The following PSAT1 variants were observed in gnomAD, a reference collection of about 807,000 sequenced individuals.
PSAT1 encodes the protein phosphoserine aminotransferase.
A neutral mutation model predicts 40.3 loss-of-function variants in PSAT1; 41 were observed. That is an observed-to-expected ratio of 1.02 (90% confidence interval 0.79 to 1.32). The LOEUF (loss-of-function observed/expected upper bound fraction) is 1.32. Ranked by LOEUF, PSAT1 falls within the 40% of genes most tolerant of loss-of-function variation. PSAT1 has a pLI of 0.00. For missense variants in PSAT1, 406 were observed against 455.8 expected (o/e 0.89, Z 0.99); for synonymous variants, 147 against 170.5 (o/e 0.86, Z 1.07).
chr9:78,301,299 A>G (rs1401578561), intron 2 of PSAT1, among the ~76,000 whole-genome samples: 5 of 152,198 alleles, frequency 3.3e-5, no homozygotes, highest in Non-Finnish European at 7.3e-5. Context: ...CATTTATAAT[A>G]TTGCTTTACA....
At chr9:78,318,086 T>G (rs1828375513) in intron 7 of PSAT1, among the ~76,000 whole-genome samples, 1 of 152,122 alleles carries the variant, frequency 6.6e-6, no homozygotes, top group Non-Finnish European at 1.5e-5. Context: ...GTTCACTCCC[T>G]GGGGTAGGTC....
chr9:78,315,895 A>C (rs762279753), intron 6 of PSAT1, among the ~76,000 whole-genome samples: 55 of 152,288 alleles, frequency 3.6e-4, no homozygotes, highest in Non-Finnish European at 6.2e-4. Context: ...TCCCCACCCT[A>C]GATCTTAGCT....
chr9:78,297,210 C>T lies in PSAT1; in HGVS notation c.-1C>T. Reference sequence around the variant, plus strand: ...TGACTCACCGCCCTGGCCGCCGCACCATGGACGCCCCCAGGCAGGTGGTCA... The same window carrying T: ...TGACTCACCGCCCTGGCCGCCGCACTATGGACGCCCCCAGGCAGGTGGTCA... On this transcript the variant is annotated 5_prime_UTR_variant, in exon 1 of 9. Transcript: ENST00000376588. The T allele has an allele frequency of 6.2e-7, 1 of 1,600,118 alleles. No individual in the cohort carries two copies. Among genetic ancestry groups the T allele is most frequent in the South Asian group, 1.1e-5 (1 of 89,582 alleles).
At chr9:78,304,685 C>A in intron 3 of PSAT1, 50 bp from the exon 4 acceptor site, 2 of 1,535,350 alleles carry the variant, frequency 1.3e-6, no homozygotes, top group Non-Finnish European at 1.8e-6. Context: ...TGTTCTCAAT[C>A]TTTGACCACA....
At chr9:78,318,910 A>G (rs1828388891) in intron 7 of PSAT1, among the ~76,000 whole-genome samples, 1 of 152,204 alleles carries the variant, frequency 6.6e-6, no homozygotes, top group South Asian at 2.1e-4. Context: ...GATGCAGAGA[A>G]GTGTAACAGG....
At position 78,300,626 on chromosome 9, in the gene PSAT1, T is replaced by A. The variant is rs1351840021; in HGVS notation, c.85T>A (p.Leu29Ile). 6.2e-7 allele frequency: 1 copy of A among 1,611,406 alleles called. No homozygotes were observed. Among genetic ancestry groups the A allele is most frequent in the Non-Finnish European group, 8.5e-7 (1 of 1,179,280 alleles). ...HSVLLEIQKE[L>I]LDYKGVGISV... ...GGTGTTGTTAGAGATACAAAAGGAA[T>A]TATTAGACTACAAAGGAGTTGGCAT... The change falls in exon 2 of 9, where the codon TTA (leucine) becomes ATA (isoleucine). Residue 29 changes from leucine to isoleucine, a missense_variant. Physicochemically the swap from Leu to Ile is conservative, Grantham distance 5. Coordinates refer to ENST00000376588, the MANE Select transcript of PSAT1 (RefSeq NM_058179.4).
intron 3 of PSAT1, among the ~76,000 whole-genome samples, chr9:78,302,626 C>T (rs12238510): frequency 0.27 from 40,620 of 150,406 alleles, 5,871 homozygotes; most frequent in East Asian, 0.45. Context: ...CCCAGCTATT[C>T]GGGAGGCTGA....
chr9:78,297,159 C>T lies in PSAT1; in HGVS notation c.-52C>T. On this transcript the variant is annotated 5_prime_UTR_variant, in exon 1 of 9. Transcript: ENST00000376588. Reference sequence around the variant, plus strand: ...CACCGCAGCGGCCAGGAACGCCAGCCGTTCACGCGTTCGGTCCTCCTTGGC... The same window carrying T: ...CACCGCAGCGGCCAGGAACGCCAGCTGTTCACGCGTTCGGTCCTCCTTGGC... 1.9e-6 allele frequency: 3 copies of T among 1,541,090 alleles called. No individual in the cohort carries two copies. Among genetic ancestry groups the T allele is most frequent in the Non-Finnish European group, 2.6e-6 (3 of 1,137,588 alleles).
In PSAT1 at chr9:78,308,547, G is replaced by A; in HGVS notation, c.704G>A (p.Gly235Glu). 6.2e-7 allele frequency: 1 copy of A among 1,614,048 alleles called. No homozygotes were observed. The highest frequency in any genetic ancestry group is 8.5e-7 in the Non-Finnish European group (1 of 1,180,008). ...GTCCTGGAATACAAGGTGCAGGCTG[G>A]AAACAGCTCCTTGTACAACACGCCT... ...PSVLEYKVQA[G>E]NSSLYNTPPC... The change falls in exon 6 of 9, where the codon GGA becomes GAA. Residue 235 changes from glycine to glutamate, a missense_variant. Coordinates refer to ENST00000376588, the MANE Select transcript of PSAT1 (RefSeq NM_058179.4).
intron 4 of PSAT1, among the ~76,000 whole-genome samples, chr9:78,305,357 C>T (rs935397457): frequency 6.6e-6 from 1 of 152,324 alleles, no homozygotes; most frequent in East Asian, 1.9e-4. Context: ...TCAGGTGATC[C>T]GCCTGCCTCG....
At chr9:78,326,934 A>AATATATAT (rs1210919066) in intron 7 of PSAT1, among the ~76,000 whole-genome samples, 19 of 104,546 alleles carry the variant, frequency 1.8e-4, no homozygotes, top group African/African-American at 6.8e-4. Flanking sequence ...AAGTGACAGC[A>AATATATAT]ATATATATAT....
In PSAT1 at chr9:78,308,450, G is replaced by C. The variant is rs1253727919; in HGVS notation, c.607G>C (p.Gly203Arg). 2.5e-6 allele frequency: 4 copies of C among 1,613,682 alleles called. No homozygotes were observed. The highest frequency in any genetic ancestry group is 3.4e-6 in the Non-Finnish European group (4 of 1,179,810). ...VIFAGAQKNV[G>R]SAGVTVVIVR... Reference sequence around the variant, plus strand: ...TTTTGCTGGTGCCCAGAAGAATGTTGGCTCTGCTGGGGTCACCGTGGTGAT... The same window carrying C: ...TTTTGCTGGTGCCCAGAAGAATGTTCGCTCTGCTGGGGTCACCGTGGTGAT... The change falls in exon 6 of 9, where the codon GGC becomes CGC. Residue 203 changes from glycine (G) to arginine (R), a missense_variant. Physicochemically the swap from Gly to Arg is moderately radical, Grantham distance 125 (BLOSUM62 -2). Coordinates refer to ENST00000376588, the MANE Select transcript of PSAT1 (RefSeq NM_058179.4).
In PSAT1 at chr9:78,328,056, C is replaced by T. The variant is rs1828526537; in HGVS notation, c.875C>T (p.Pro292Leu). 1.9e-6 allele frequency: 3 copies of T among 1,610,576 alleles called. No homozygotes were observed. The African/African-American group carries it at 4.0e-5, about 22-fold the overall frequency. The change falls in exon 8 of 9, where the codon CCA (proline) becomes CTA (leucine). Residue 292 changes from proline (P) to leucine (L), a missense_variant. Pro to Leu is a moderately conservative substitution (Grantham distance 98). Transcript: ENST00000376588. Reference sequence around the variant, plus strand: ...ATAATAAACATGTTTTTCAGTTGTCCAGTGGAGCCCCAAAATAGAAGCAAG... The same window carrying T: ...ATAATAAACATGTTTTTCAGTTGTCTAGTGGAGCCCCAAAATAGAAGCAAG... ...IDNSQGFYVC[P>L]VEPQNRSKMN...
intron 5 of PSAT1, 103 bp from the exon 6 acceptor site, chr9:78,308,311 A>C: frequency 1.5e-6 from 2 of 1,338,534 alleles, no homozygotes; most frequent in South Asian, 2.4e-5. Context: ...GGATAGAGTC[A>C]TTTCCTTAAA....
At chr9:78,322,388 A>G (rs774455081) in intron 7 of PSAT1, among the ~76,000 whole-genome samples, 4 of 152,218 alleles carry the variant, frequency 2.6e-5, no homozygotes, top group Non-Finnish European at 5.9e-5. Flanking sequence ...GCAGAAGCAC[A>G]GATAGGACAA....
intron 6 of PSAT1, among the ~76,000 whole-genome samples, chr9:78,309,022 A>G (rs1828227549): frequency 6.6e-6 from 1 of 152,220 alleles, no homozygotes; most frequent in Non-Finnish European, 1.5e-5. Flanking sequence ...GCATGTTTCC[A>G]GGAGCCGGTG....
In PSAT1 at chr9:78,314,878, C is replaced by T. The variant is rs73651318; in HGVS notation, c.741-2798C>T. The stretch of plus-strand genomic sequence containing the variant: ...TGTCAGCTTTGAAACCCTGGGCTAA[C>T]ACAGAGCTTCAGGCAAAAGGGAAGC... On this transcript the variant is annotated intron_variant, in intron 6 of 8. Transcript: ENST00000376588. 3.9e-3 allele frequency among the ~76,000 whole-genome samples: 589 copies of T among 152,060 alleles called. 3 individuals carry two copies. Among genetic ancestry groups the T allele is most frequent in the African/African-American group, 0.013 (557 of 41,506 alleles).
intron 7 of PSAT1, among the ~76,000 whole-genome samples, chr9:78,324,553 G>T (rs1225586862): frequency 6.6e-6 from 1 of 152,104 alleles, no homozygotes; most frequent in East Asian, 1.9e-4. Flanking sequence ...TTAACTCCAG[G>T]GATTGATTGC....
At chr9:78,300,781 T>G (rs763982809) in intron 2 of PSAT1, 119 bp downstream of exon 2, 38 of 1,407,686 alleles carry the variant, frequency 2.7e-5, no homozygotes, top group Non-Finnish European at 3.3e-5. Context: ...AGTGGCGTGA[T>G]CATAGTTCAC....
Sources: allele counts gnomAD v4.1 joint callset (sites outside exome capture counted in the v4.1 genomes callset), GRCh38; gene constraint gnomAD v4.1.1; transcripts MANE v1.5; gene names NCBI Gene and HGNC (gene_info 2026-07-23, HGNC 2026-07-21).